GRK5: variants seen among roughly 807,000 people sequenced by gnomAD.
GRK5 encodes the protein g protein-coupled receptor kinase GRK5.
A neutral mutation model predicts 78.4 loss-of-function variants in GRK5; 40 were observed. That is an observed-to-expected ratio of 0.51 (90% CI 0.40 to 0.66). The LOEUF is 0.66. Ranked by LOEUF, GRK5 falls within the 30% of genes least tolerant of loss-of-function variation. The probability of loss-of-function intolerance (pLI) is 0.00; values close to 1 mark genes in which losing one functional copy is unlikely to be tolerated. For synonymous variants in GRK5, 289 were observed against 296.8 expected, an observed-to-expected ratio of 0.97 and a Z score of 0.27; for missense variants, 598 against 759.9, an observed-to-expected ratio of 0.79 and a Z score of 2.50.
chr10:119,438,517 G>C (rs765341108), intron 9 of GRK5, among the ~76,000 whole-genome samples: 1 of 150,242 alleles, frequency 6.7e-6, no homozygotes, highest in Non-Finnish European at 1.5e-5. Flanking sequence ...TTTCTGTTTT[G>C]TTTTCATTCA....
intron 1 of GRK5, among the ~76,000 whole-genome samples, chr10:119,257,590 G>A (rs139716334): frequency 0.021 from 3,232 of 152,292 alleles, 58 homozygotes; most frequent in Admixed American, 0.055. Flanking sequence ...CAGGTGTGGT[G>A]GCGGATGCCT....
chr10:119,310,701 G>T (rs1394857737), intron 1 of GRK5, among the ~76,000 whole-genome samples: 1 of 152,194 alleles, frequency 6.6e-6, no homozygotes, highest in East Asian at 1.9e-4. Context: ...AGGCAGGGCG[G>T]GGTTGGGGAG....
At chr10:119,233,452 C>T (rs983947013) in intron 1 of GRK5, among the ~76,000 whole-genome samples, 10 of 152,022 alleles carry the variant, frequency 6.6e-5, no homozygotes, top group African/African-American at 2.4e-4. Context: ...TCTTGGTGGC[C>T]GTTGCCACAG....
intron 1 of GRK5, among the ~76,000 whole-genome samples, chr10:119,278,813 C>T (rs756963679): frequency 1.1e-4 from 16 of 152,192 alleles, no homozygotes; most frequent in Non-Finnish European, 2.1e-4. Context: ...ATGGCCGCCC[C>T]CTTGCTCTGA....
chr10:119,212,264 G>T (rs193295335), intron 1 of GRK5, among the ~76,000 whole-genome samples: 3 of 152,184 alleles, frequency 2.0e-5, no homozygotes, highest in Admixed American at 2.0e-4. Context: ...TTCAAACGAT[G>T]ATTGTAGTTA....
rs529528633 is a variant in GRK5, at chr10:119,396,622, G to T, written c.262-73G>T. 18 of 1,256,084 alleles carry T rather than the reference G, an allele frequency of 1.4e-5. No individual in the cohort carries two copies. In the Admixed American group the frequency reaches 1.6e-4, roughly 11 times the overall value. 77.8% of individuals were successfully genotyped at this position (1,256,084 alleles called of 1,614,324 possible). On this transcript the variant is annotated intron_variant, in intron 3 of 15. Coordinates refer to ENST00000392870, the MANE Select transcript of GRK5 (RefSeq NM_005308.3). ...GGCCTCTAGGGGATTTCCTCCAGGG[G>T]CTGTGAGGTTCTGTAACTATAAGAA...
chr10:119,311,525 A>G (rs1265944691), intron 1 of GRK5, among the ~76,000 whole-genome samples: 2 of 152,140 alleles, frequency 1.3e-5, no homozygotes, highest in African/African-American at 4.8e-5. Flanking sequence ...GGTGACTTAC[A>G]CCTGTAATCC....
intron 3 of GRK5, among the ~76,000 whole-genome samples, chr10:119,395,143 T>C (rs1013205904): frequency 6.6e-6 from 1 of 152,294 alleles, no homozygotes; most frequent in African/African-American, 2.4e-5. Context: ...AGCCTCTGTG[T>C]CCAGCCCTAT....
intron 4 of GRK5, among the ~76,000 whole-genome samples, chr10:119,413,877 A>C (rs1215802923): frequency 6.6e-6 from 1 of 152,154 alleles, no homozygotes; most frequent in Non-Finnish European, 1.5e-5. Flanking sequence ...CTCCTGCTAA[A>C]GACCCGACTC....
At position 119,425,297 on chromosome 10, in the gene GRK5, A is replaced by G. The variant is rs532363773; in HGVS notation, c.533+212A>G. Among the ~76,000 whole-genome samples, 23 of 151,964 alleles carry G rather than the reference A, an allele frequency of 1.5e-4. No homozygotes were observed. The East Asian group carries it at 3.7e-3, about 24-fold the overall frequency. On this transcript the variant is annotated intron_variant, in intron 6 of 15. Coordinates refer to ENST00000392870, the MANE Select transcript of GRK5 (RefSeq NM_005308.3). ...CACACACACACACACACACACACAC[A>G]AACACACATTCACGCAAATGTAAAC...
intron 1 of GRK5, among the ~76,000 whole-genome samples, chr10:119,261,791 C>T (rs1849409576): frequency 6.6e-6 from 1 of 152,236 alleles, no homozygotes; most frequent in Non-Finnish European, 1.5e-5. Flanking sequence ...TGCAGGCACT[C>T]CGCAGGCTGA....
intron 6 of GRK5, among the ~76,000 whole-genome samples, chr10:119,426,205 T>C (rs1852673408): frequency 6.6e-6 from 1 of 152,300 alleles, no homozygotes; most frequent in Admixed American, 6.5e-5. Context: ...TGAACCCCAC[T>C]CACAGCCCTT....
At chr10:119,393,781 G>T (rs1473149880) in intron 3 of GRK5, among the ~76,000 whole-genome samples, 2 of 152,160 alleles carry the variant, frequency 1.3e-5, no homozygotes, top group Non-Finnish European at 1.5e-5. Flanking sequence ...CTGCAAATCG[G>T]GACTAATAAT....
chr10:119,427,045 C>A (rs922539209), intron 6 of GRK5, among the ~76,000 whole-genome samples: 30 of 150,960 alleles, frequency 2.0e-4, no homozygotes, highest in Non-Finnish European at 4.4e-5. Flanking sequence ...GCAGCATCAC[C>A]ACCATCATCA....
chr10:119,411,097 G>A (rs1288722448), intron 4 of GRK5, among the ~76,000 whole-genome samples: 2 of 151,982 alleles, frequency 1.3e-5, no homozygotes, highest in African/African-American at 4.8e-5. Context: ...GGTCACTGGA[G>A]CAGTGGCCCC....
chr10:119,231,374 C>G (rs1398297395), intron 1 of GRK5, among the ~76,000 whole-genome samples: 1 of 151,932 alleles, frequency 6.6e-6, no homozygotes, highest in Non-Finnish European at 1.5e-5. Flanking sequence ...TAAAAAACAT[C>G]TAAACATAAA....
intron 2 of GRK5, among the ~76,000 whole-genome samples, chr10:119,370,518 A>G (rs1474470900): frequency 3.3e-5 from 5 of 152,206 alleles, no homozygotes; most frequent in East Asian, 1.9e-4. Flanking sequence ...TCTTGAAGTA[A>G]TAGAAGGCCA....
chr10:119,246,207 T>C (rs1161832037), intron 1 of GRK5, among the ~76,000 whole-genome samples: 1 of 152,078 alleles, frequency 6.6e-6, no homozygotes, highest in Non-Finnish European at 1.5e-5. Flanking sequence ...TAAAGTGACA[T>C]AGTATTCACA....
At chr10:119,313,693 G>T (rs1850436002) in intron 1 of GRK5, among the ~76,000 whole-genome samples, 1 of 152,066 alleles carries the variant, frequency 6.6e-6, no homozygotes, top group Non-Finnish European at 1.5e-5. Flanking sequence ...CCCTGGAAGG[G>T]TTTCCTGGGA....
Sources: allele counts gnomAD v4.1 joint callset (sites outside exome capture counted in the v4.1 genomes callset), GRCh38; gene constraint gnomAD v4.1.1; transcripts MANE v1.5; gene names NCBI Gene and HGNC (gene_info 2026-07-23, HGNC 2026-07-21).